The following CADM2 variants were observed in gnomAD, a reference collection of about 807,000 sequenced individuals.
The protein encoded by CADM2 is cell adhesion molecule 2.
Under a neutral mutation model 49.8 loss-of-function variants are expected in CADM2, and 12 were observed. The ratio of observed to expected loss-of-function variants is 0.24; its 90% CI spans 0.15 to 0.39. The LOEUF (loss-of-function observed/expected upper bound fraction) is 0.39. Ranked by LOEUF, CADM2 falls within the 10% of genes least tolerant of loss-of-function variation. The pLI is 1.00. For missense variants in CADM2, 378 were observed against 492.3 expected (o/e 0.77, Z 2.20); for synonymous variants, 214 against 175.4 (o/e 1.22, Z -1.74).
chr3:85,989,991 G>A (rs1448984113), intron 8 of CADM2, among the ~76,000 whole-genome samples: 11 of 75,756 alleles, frequency 1.5e-4, no homozygotes, highest in East Asian at 4.5e-4. Context: ...CAGCCTGGGC[G>A]ACAAGAGAGA....
intron 1 of CADM2, among the ~76,000 whole-genome samples, chr3:85,078,873 A>G (rs2037052963): frequency 6.6e-6 from 1 of 151,802 alleles, no homozygotes; most frequent in Admixed American, 6.6e-5. Flanking sequence ...AATAAAGTTT[A>G]GGTAGTCTGC....
intron 1 of CADM2, among the ~76,000 whole-genome samples, chr3:85,326,616 CA>C (rs1457863581): frequency 6.6e-6 from 1 of 151,844 alleles, no homozygotes; most frequent in Admixed American, 6.6e-5. Context: ...TGATTTTTCA[CA>C]AAAAATTATA....
intron 6 of CADM2, among the ~76,000 whole-genome samples, chr3:85,934,070 A>G (rs1052791218): frequency 2.0e-5 from 3 of 152,132 alleles, no homozygotes; most frequent in African/African-American, 7.2e-5. Flanking sequence ...ATTAAACATC[A>G]CAGACACCCA....
chr3:85,027,509 C>G (rs1421127761), intron 1 of CADM2, among the ~76,000 whole-genome samples: 1 of 151,932 alleles, frequency 6.6e-6, no homozygotes, highest in Non-Finnish European at 1.5e-5. Context: ...AAATTATCTT[C>G]TAATAAACAT....
chr3:85,601,855 C>A (rs750095489), intron 1 of CADM2, among the ~76,000 whole-genome samples: 2 of 151,344 alleles, frequency 1.3e-5, no homozygotes, highest in African/African-American at 4.8e-5. Context: ...GTTTCTGTTT[C>A]TTTTAGTCAT....
At chr3:85,063,111 G>GT (rs1176323378) in intron 1 of CADM2, among the ~76,000 whole-genome samples, 9 of 151,554 alleles carry the variant, frequency 5.9e-5, no homozygotes, top group Non-Finnish European at 1.0e-4. Context: ...TAATTTTTAG[G>GT]TTTTTTATGT....
At chr3:85,157,867 G>T (rs1238722437) in intron 1 of CADM2, among the ~76,000 whole-genome samples, 6 of 152,204 alleles carry the variant, frequency 3.9e-5, no homozygotes, top group African/African-American at 1.2e-4. Flanking sequence ...AAGAGCTTCT[G>T]CGCAGCAAAA....
At chr3:85,216,389 A>G (rs1256038304) in intron 1 of CADM2, among the ~76,000 whole-genome samples, 5 of 139,386 alleles carry the variant, frequency 3.6e-5, no homozygotes, top group Non-Finnish European at 7.4e-5. Context: ...GTACACTTAT[A>G]TTAATTATTT....
intron 1 of CADM2, among the ~76,000 whole-genome samples, chr3:85,315,729 A>G (rs1165890121): frequency 6.6e-6 from 1 of 152,180 alleles, no homozygotes; most frequent in Non-Finnish European, 1.5e-5. Flanking sequence ...ATCAAATATG[A>G]TATAGCATTC....
intron 3 of CADM2, among the ~76,000 whole-genome samples, chr3:85,842,616 G>A (rs2074689335): frequency 6.6e-6 from 1 of 152,068 alleles, no homozygotes; most frequent in African/African-American, 2.4e-5. Flanking sequence ...TCTTGGCAAG[G>A]TTAGGAAGCA....
intron 1 of CADM2, among the ~76,000 whole-genome samples, chr3:85,254,878 T>C (rs2107871014): frequency 6.6e-6 from 1 of 152,190 alleles, no homozygotes; most frequent in South Asian, 2.1e-4. Flanking sequence ...TCTGTCTCTC[T>C]CCAGTGCTTC....
At chr3:85,504,503 G>A (rs1250192297) in intron 1 of CADM2, among the ~76,000 whole-genome samples, 4 of 152,204 alleles carry the variant, frequency 2.6e-5, no homozygotes, top group Non-Finnish European at 5.9e-5. Flanking sequence ...CTGATTGGTA[G>A]AGCCGAGTGG....
chr3:85,461,496 A>T (rs1027325772), intron 1 of CADM2, among the ~76,000 whole-genome samples: 6 of 152,184 alleles, frequency 3.9e-5, no homozygotes, highest in African/African-American at 1.4e-4. Context: ...TAAGCTACAA[A>T]CCATATATGT....
At chr3:85,384,490 T>C (rs1383973533) in intron 1 of CADM2, among the ~76,000 whole-genome samples, 1 of 151,984 alleles carries the variant, frequency 6.6e-6, no homozygotes, top group Non-Finnish European at 1.5e-5. Flanking sequence ...TTTTTTGTAT[T>C]CTTAGTAGAG....
chr3:85,211,408 T>C (rs192689973), intron 1 of CADM2, among the ~76,000 whole-genome samples: 100 of 152,234 alleles, frequency 6.6e-4, no homozygotes, highest in African/African-American at 2.3e-3. Context: ...TTTTCTATTT[T>C]TTTATGTAGG....
At chr3:85,282,179 A>AT (rs566298698) in intron 1 of CADM2, among the ~76,000 whole-genome samples, 23 of 148,542 alleles carry the variant, frequency 1.5e-4, no homozygotes, top group Non-Finnish European at 2.7e-4. Flanking sequence ...AAAATCTGTC[A>AT]TTTTTTTTTA....
intron 1 of CADM2, among the ~76,000 whole-genome samples, chr3:85,408,789 A>G (rs1383720206): frequency 1.3e-5 from 2 of 152,190 alleles, no homozygotes; most frequent in Non-Finnish European, 2.9e-5. Flanking sequence ...TTGAAGAAGT[A>G]CCATTTTCAC....
At chr3:85,045,619 A>G (rs900826797) in intron 1 of CADM2, among the ~76,000 whole-genome samples, 1 of 151,466 alleles carries the variant, frequency 6.6e-6, no homozygotes, top group Non-Finnish European at 1.5e-5. Flanking sequence ...TCACAGATAA[A>G]ACTATGCATG....
chr3:85,782,816 G>A (rs1386896939), intron 2 of CADM2, among the ~76,000 whole-genome samples: 2 of 152,058 alleles, frequency 1.3e-5, no homozygotes, highest in Non-Finnish European at 2.9e-5. Context: ...ATAAAACCAA[G>A]TCTTAGAAAA....
Sources: gnomAD v4.1 joint callset for allele counts (sites outside exome capture counted in the v4.1 genomes callset) on GRCh38, gnomAD v4.1.1 for gene constraint, MANE v1.5 for transcripts, NCBI Gene and HGNC (gene_info 2026-07-23, HGNC 2026-07-21) for gene names.